PDE7B: variants seen among roughly 807,000 people sequenced by gnomAD.
PDE7B encodes the protein phosphodiesterase 7B.
In PDE7B, 29 loss-of-function variants were observed where a neutral mutation model predicts 56.2. The observed-to-expected ratio is 0.52, with a 90% CI of 0.38 to 0.70. The LOEUF is 0.70. Ranked by LOEUF, PDE7B falls within the 30% of genes least tolerant of loss-of-function variation. The pLI is 0.00. For missense variants in PDE7B, 490 were observed against 565.0 expected (o/e 0.87, Z 1.35); for synonymous variants, 197 against 196.9 (o/e 1.00, Z 0.00).
At chr6:136,174,027 C>A in intron 9 of PDE7B, 139 bp downstream of exon 9, 1 of 647,060 alleles carries the variant, frequency 1.5e-6, no homozygotes, top group Non-Finnish European at 2.8e-6. Flanking sequence ...AGCTGTCTAT[C>A]AGAGGAGATT....
chr6:135,867,141 T>TA (rs1775276376), intron 1 of PDE7B, among the ~76,000 whole-genome samples: 1 of 152,150 alleles, frequency 6.6e-6, no homozygotes. Context: ...TTTGAGCAAT[T>TA]TACAAGTAAC....
intron 2 of PDE7B, among the ~76,000 whole-genome samples, chr6:136,010,888 G>C (rs1775880846): frequency 6.6e-6 from 1 of 152,262 alleles, no homozygotes; most frequent in South Asian, 2.1e-4. Context: ...CTGATGGGCT[G>C]TTGAAAGGCT....
chr6:135,979,655 C>A (rs1775258670), intron 2 of PDE7B, among the ~76,000 whole-genome samples: 2 of 152,120 alleles, frequency 1.3e-5, no homozygotes, highest in African/African-American at 4.8e-5. Context: ...CAACAACAGA[C>A]AAACAGAGAG....
intron 12 of PDE7B, among the ~76,000 whole-genome samples, chr6:136,188,952 A>T (rs1779181388): frequency 6.6e-6 from 1 of 152,120 alleles, no homozygotes; most frequent in African/African-American, 2.4e-5. Flanking sequence ...GGTGGCAGGG[A>T]CAGATCAGGC....
chr6:136,079,513 G>T (rs1475641817), intron 2 of PDE7B, among the ~76,000 whole-genome samples: 1 of 152,118 alleles, frequency 6.6e-6, no homozygotes, highest in African/African-American at 2.4e-5. Flanking sequence ...ATACAGAATG[G>T]TTTCATCATC....
intron 2 of PDE7B, among the ~76,000 whole-genome samples, chr6:135,956,553 C>G (rs1313090804): frequency 1.3e-5 from 2 of 152,016 alleles, no homozygotes; most frequent in Non-Finnish European, 2.9e-5. Context: ...CCAAGGCAGG[C>G]AGATCACTTG....
intron 1 of PDE7B, among the ~76,000 whole-genome samples, chr6:135,896,126 A>G (rs1775897279): frequency 6.6e-6 from 1 of 152,170 alleles, no homozygotes. Flanking sequence ...GGAGAGGTTG[A>G]GCCTAGAACA....
chr6:136,141,584 T>TC (rs1441945668), intron 3 of PDE7B, among the ~76,000 whole-genome samples: 10 of 152,212 alleles, frequency 6.6e-5, no homozygotes, highest in African/African-American at 2.4e-4. Context: ...TGGCTGTGAA[T>TC]CCATCTGGTC....
chr6:136,188,196 AT>A (rs761220649), intron 12 of PDE7B, among the ~76,000 whole-genome samples: 10 of 152,242 alleles, frequency 6.6e-5, no homozygotes, highest in Non-Finnish European at 1.3e-4. Context: ...TAAGGACAAA[AT>A]AAATCTAGCT....
chr6:136,037,927 GATTA>G (rs1300766117), intron 2 of PDE7B: 4 of 1,185,522 alleles, frequency 3.4e-6, no homozygotes, highest in African/African-American at 1.6e-5. Flanking sequence ...TGTAGCCTGG[GATTA>G]ATTAAGTGCT....
At chr6:136,024,948 C>A in intron 2 of PDE7B, among the ~76,000 whole-genome samples, 1 of 152,254 alleles carries the variant, frequency 6.6e-6, no homozygotes, top group East Asian at 1.9e-4. Flanking sequence ...CTGTTTTCTA[C>A]GACCAATCTG....
intron 2 of PDE7B, among the ~76,000 whole-genome samples, chr6:136,093,471 A>C (rs749965926): frequency 1.3e-5 from 2 of 152,212 alleles, no homozygotes; most frequent in Non-Finnish European, 2.9e-5. Context: ...CCTCTCCCTA[A>C]AATACATGTA....
chr6:135,918,597 T>C (rs1416082325), intron 1 of PDE7B, among the ~76,000 whole-genome samples: 2 of 151,876 alleles, frequency 1.3e-5, no homozygotes, highest in African/African-American at 4.8e-5. Flanking sequence ...TCCCCTCCTG[T>C]AAGATGAAAG....
chr6:136,111,168 GTTT>G (rs1213643136), intron 3 of PDE7B: 1 of 151,954 alleles, frequency 6.6e-6, no homozygotes, highest in Non-Finnish European at 1.5e-5. Flanking sequence ...GTGGTCTCCA[GTTT>G]TTTTAATGTA....
rs557926093 is a variant in PDE7B, at chr6:136,115,266, G to A, written c.166+6452G>A. Among the ~76,000 whole-genome samples, 55 of 152,202 alleles carry A rather than the reference G, an allele frequency of 3.6e-4. 2 individuals carry two copies. The South Asian group carries it at 3.7e-3, about 10-fold the overall frequency. ...GCATCTACGGGATTCAGAGGAGTTCGAGAAGGGAATAATTAACTCTGTCTT... is the reference window on the plus strand; with the variant it reads ...GCATCTACGGGATTCAGAGGAGTTCAAGAAGGGAATAATTAACTCTGTCTT... On this transcript the variant is annotated intron_variant, in intron 3 of 12. Coordinates refer to ENST00000308191, the MANE Select transcript of PDE7B (RefSeq NM_018945.4).
rs561068760 is a variant in PDE7B at position 135,926,289 on chromosome 6, G to A, written c.22-21175G>A. Reference sequence around the variant, plus strand: ...TTTTTGGTAGAGACAGGGTTTCACCGTGTTAGCCAGGATGGTCTCAATCTC... The same window carrying A: ...TTTTTGGTAGAGACAGGGTTTCACCATGTTAGCCAGGATGGTCTCAATCTC... On this transcript the variant is annotated intron_variant, in intron 1 of 12. Transcript: ENST00000308191. Among the ~76,000 whole-genome samples, 34 of 152,134 alleles carry A rather than the reference G, an allele frequency of 2.2e-4. 2 individuals are homozygous for A. The East Asian group carries it at 4.3e-3, about 19-fold the overall frequency.
intron 3 of PDE7B, among the ~76,000 whole-genome samples, chr6:136,135,041 C>G (rs2128445163): frequency 6.6e-6 from 1 of 152,172 alleles, no homozygotes; most frequent in East Asian, 1.9e-4. Flanking sequence ...CTATTCCTCC[C>G]CCTGCTCCTC....
At chr6:135,997,337 C>T (rs190767378) in intron 2 of PDE7B, among the ~76,000 whole-genome samples, 1 of 138,890 alleles carries the variant, frequency 7.2e-6, no homozygotes. Flanking sequence ...TAGCTTGAGC[C>T]TGGAAGGTCA....
rs1562434158 is a variant in PDE7B at position 135,906,829 on chromosome 6, T to TTTTTTTTTTTTTTTTTTTTTTTTTTTG, written c.22-40628_22-40627insTTTTTTTTTTTTTTTTTTTGTTTTTTT. Among the ~76,000 whole-genome samples, 2 of 142,604 alleles carry TTTTTTTTTTTTTTTTTTTTTTTTTTTG rather than the reference T, an allele frequency of 1.4e-5. 1 individual carries two copies. The highest frequency in any genetic ancestry group is 5.7e-5 in the African/African-American group (2 of 35,218). 93.6% of individuals were successfully genotyped at this position (142,604 alleles called of 152,430 possible). On this transcript the variant is annotated intron_variant, in intron 1 of 12. Coordinates refer to ENST00000308191, the MANE Select transcript of PDE7B (RefSeq NM_018945.4). ...AGGTTTGTTTTTTTTTTTTTTTTTT[T>TTTTTTTTTTTTTTTTTTTTTTTTTTTG]TTTTTTTAATCCTCTAGGCTTTTCC...
Sources: gnomAD v4.1 joint callset for allele counts (sites outside exome capture counted in the v4.1 genomes callset) on GRCh38, gnomAD v4.1.1 for gene constraint, MANE v1.5 for transcripts, NCBI Gene and HGNC (gene_info 2026-07-23, HGNC 2026-07-21) for gene names.